Variants in INSR observed in about 807,000 individuals in gnomAD.
INSR encodes insulin receptor, also known as IR.
A neutral mutation model predicts 142.6 loss-of-function variants in INSR; 67 were observed. The ratio of observed to expected loss-of-function variants is 0.47; its 90% CI spans 0.39 to 0.58. The LOEUF (loss-of-function observed/expected upper bound fraction) is 0.58. Among genes scored for constraint, INSR ranks in the 20% least tolerant of loss-of-function variants. The probability of loss-of-function intolerance (pLI) is 0.00; values close to 1 mark genes in which losing one functional copy is unlikely to be tolerated. For synonymous variants in INSR, 756 were observed against 743.1 expected (o/e 1.02, Z -0.28); for missense variants, 1,248 against 1,833.2 (o/e 0.68, Z 5.83).
At position 7,166,151 on chromosome 19, in the gene INSR, C is replaced by T. The variant is rs1453801398; in HGVS notation, c.1861+3G>A. 2 of 1,613,990 alleles carry T rather than the reference C, an allele frequency of 1.2e-6. No homozygotes were observed. The highest frequency in any genetic ancestry group is 1.1e-5 in the South Asian group (1 of 91,042). On this transcript the variant is annotated splice_donor_region_variant and intron_variant, in intron 8 of 21. Transcript: ENST00000302850. The surrounding 1 kb of genome is among the most constrained non-coding windows in gnomAD (Gnocchi z 4.1). Reference sequence around the variant, plus strand: ...CGAATTCACATTCCCAAGACACACTCACTGGTGGCATCTGTCTGGACATAA... The same window carrying T: ...CGAATTCACATTCCCAAGACACACTTACTGGTGGCATCTGTCTGGACATAA...
intron 1 of INSR, among the ~76,000 whole-genome samples, chr19:7,280,989 C>T (rs1015501373): frequency 2.0e-5 from 3 of 152,164 alleles, no homozygotes; most frequent in Non-Finnish European, 4.4e-5. Flanking sequence ...CCCACAGCCA[C>T]CCGGACACCA....
intron 1 of INSR, among the ~76,000 whole-genome samples, chr19:7,279,712 C>T (rs1298660647): frequency 1.3e-5 from 2 of 151,646 alleles, no homozygotes; most frequent in Non-Finnish European, 2.9e-5. Flanking sequence ...GAGAGGCTCA[C>T]GCCTGGAATC....
intron 2 of INSR, among the ~76,000 whole-genome samples, chr19:7,220,571 G>A (rs1464445145): frequency 6.6e-6 from 1 of 152,142 alleles, no homozygotes; most frequent in Non-Finnish European, 1.5e-5. Context: ...TTACAAGTGT[G>A]AGCCACTGTG....
intron 2 of INSR, among the ~76,000 whole-genome samples, chr19:7,263,085 C>T (rs1977112994): frequency 6.6e-6 from 1 of 152,122 alleles, no homozygotes; most frequent in South Asian, 2.1e-4. Context: ...TGAGACCATC[C>T]TGGCCAACAT....
intron 1 of INSR, 97 bp downstream of exon 1, chr19:7,293,694 AG>A: frequency 1.0e-6 from 1 of 972,942 alleles, no homozygotes; most frequent in Non-Finnish European, 1.3e-6. Flanking sequence ...GCCCCTGGGG[AG>A]GGTTCTCAGT....
intron 1 of INSR, among the ~76,000 whole-genome samples, chr19:7,269,984 G>A (rs1967865756): frequency 6.6e-6 from 1 of 152,062 alleles, no homozygotes; most frequent in Admixed American, 6.6e-5. Context: ...TTGTTTTGAT[G>A]TGGAGTCTCG....
chr19:7,292,973 C>A (rs1968536751), intron 1 of INSR, among the ~76,000 whole-genome samples: 1 of 152,104 alleles, frequency 6.6e-6, no homozygotes, highest in Non-Finnish European at 1.5e-5. Context: ...GGCTCAAGTC[C>A]TGGCTCTGGC....
intron 2 of INSR, among the ~76,000 whole-genome samples, chr19:7,242,248 A>T (rs1976376817): frequency 6.6e-6 from 1 of 151,890 alleles, no homozygotes; most frequent in Non-Finnish European, 1.5e-5. Flanking sequence ...GTGTTCCTGT[A>T]GCCCCAGCTA....
At chr19:7,188,478 TG>T (rs1974488626) in intron 2 of INSR, among the ~76,000 whole-genome samples, 1 of 144,626 alleles carries the variant, frequency 6.9e-6, no homozygotes, top group South Asian at 2.2e-4. Context: ...CACTTGAACC[TG>T]GGAGGTGGAG....
Position 7,125,199 on chromosome 19 carries a change from C to G in INSR, c.3258+84G>C. 1 of 1,558,330 alleles carries G rather than the reference C, an allele frequency of 6.4e-7. No homozygotes were observed. Among genetic ancestry groups the G allele is most frequent in the Non-Finnish European group, 8.8e-7 (1 of 1,136,266 alleles). ...TGGGTAGGAGGTTACACCCTGTGTCCTCTGTCGCTCTGTGCAGGAGGAGGA... is the reference window on the plus strand; with the variant it reads ...TGGGTAGGAGGTTACACCCTGTGTCGTCTGTCGCTCTGTGCAGGAGGAGGA... On this transcript the variant is annotated intron_variant, in intron 17 of 21. Transcript: ENST00000302850. The surrounding 1 kb of genome is among the most constrained non-coding windows in gnomAD (Gnocchi z 4.9).
chr19:7,146,030 T>C (rs1414668663), intron 11 of INSR, among the ~76,000 whole-genome samples: 1 of 152,182 alleles, frequency 6.6e-6, no homozygotes, highest in Non-Finnish European at 1.5e-5. Flanking sequence ...AATTTTAAAT[T>C]AAGGTTATTG....
At chr19:7,120,413 C>A (rs773227293) in intron 20 of INSR, among the ~76,000 whole-genome samples, 4 of 152,206 alleles carry the variant, frequency 2.6e-5, no homozygotes, top group Non-Finnish European at 4.4e-5. Flanking sequence ...TTAACTGAGA[C>A]CTGTCTCAGA....
Position 7,170,536 on chromosome 19 carries a change from C to G in INSR, c.1483+1G>C. ...AAAAAGGTTGGGGACCAGTGACTTA[C>G]AGGATGCCTGGTCCCCATTGGTCTT... On this transcript the variant is annotated splice_donor_variant, in intron 6 of 21. Coordinates refer to ENST00000302850, the MANE Select transcript of INSR (RefSeq NM_000208.4). LOFTEE classifies it high-confidence loss of function. The G allele has an allele frequency of 6.2e-7, 1 of 1,610,884 alleles. No homozygotes were observed.
chr19:7,133,496 C>T (rs1054194141), intron 13 of INSR, among the ~76,000 whole-genome samples: 1 of 152,222 alleles, frequency 6.6e-6, no homozygotes, highest in African/African-American at 2.4e-5. Context: ...ATTCCTAGAA[C>T]GTATTCCTCC....
At chr19:7,240,765 G>T (rs4804433) in intron 2 of INSR, among the ~76,000 whole-genome samples, 107,963 of 152,014 alleles carry the variant, frequency 0.71, 39,201 homozygotes, top group Non-Finnish European at 0.77. Flanking sequence ...TCACAGTCAG[G>T]GCGGTGAAAA....
intron 11 of INSR, among the ~76,000 whole-genome samples, chr19:7,143,750 A>G (rs1973127178): frequency 6.6e-6 from 1 of 152,204 alleles, no homozygotes; most frequent in African/African-American, 2.4e-5. Context: ...ATACAAAGAA[A>G]AAAGGATAAA....
At chr19:7,274,670 G>T (rs1054285592) in intron 1 of INSR, among the ~76,000 whole-genome samples, 1 of 151,676 alleles carries the variant, frequency 6.6e-6, no homozygotes, top group African/African-American at 2.4e-5. Flanking sequence ...GGGCATGGTG[G>T]CAGGTGCCTG....
rs372153146 is a variant in INSR at position 7,167,918 on chromosome 19, G to C, written c.1610+50C>G. 55 of 1,611,940 alleles carry C rather than the reference G, an allele frequency of 3.4e-5. No individual in the cohort carries two copies. In the African/African-American group the frequency reaches 6.5e-4, roughly 19 times the overall value. On this transcript the variant is annotated intron_variant, in intron 7 of 21. Transcript: ENST00000302850. The stretch of plus-strand genomic sequence containing the variant: ...TTGGAGCACAAACGTAGCAAGCACA[G>C]AGCCAGCCAGCCCTCGCCTCCTCAG...
At chr19:7,124,616 T>G (rs1315477795) in intron 17 of INSR, among the ~76,000 whole-genome samples, 3 of 68,108 alleles carry the variant, frequency 4.4e-5, no homozygotes, top group Non-Finnish European at 5.2e-5. Flanking sequence ...TATATATATA[T>G]ATATATATAT....
Sources: gnomAD v4.1 joint callset for allele counts (sites outside exome capture counted in the v4.1 genomes callset) on GRCh38, gnomAD v4.1.1 for gene constraint, Gnocchi (gnomAD v3.1) non-coding constraint, MANE v1.5 for transcripts, NCBI Gene and HGNC (gene_info 2026-07-23, HGNC 2026-07-21) for gene names.